Variants in RAB5IF observed in about 807,000 individuals in gnomAD.
The protein encoded by RAB5IF is RAB5 interacting factor.
RAB5IF carries 15 observed loss-of-function variants against 20.3 expected under a neutral mutation model. That is an observed-to-expected ratio of 0.74 (90% CI 0.50 to 1.14). The LOEUF is 1.14. Among genes scored for constraint, RAB5IF ranks in the 50% most tolerant of loss-of-function variants. RAB5IF has a pLI of 0.00. For synonymous variants in RAB5IF, 67 were observed against 63.7 expected, an observed-to-expected ratio of 1.05 and a Z score of -0.25; for missense variants, 148 against 159.5, an observed-to-expected ratio of 0.93 and a Z score of 0.39.
chr20:36,609,185 A>ACACACACACACC (rs2039021825), intron 2 of RAB5IF, among the ~76,000 whole-genome samples: 1 of 47,954 alleles, frequency 2.1e-5, no homozygotes, highest in Non-Finnish European at 4.1e-5. Context: ...ACACACACAC[A>ACACACACACACC]CACACACACG....
At chr20:36,609,783 A>C in intron 3 of RAB5IF, 53 bp downstream of exon 3, 1 of 1,613,888 alleles carries the variant, frequency 6.2e-7, no homozygotes, top group Non-Finnish European at 8.5e-7. Context: ...ATGAGGTGTC[A>C]CTCACAGGAG....
At chr20:36,611,773 C>T (rs2039127834) in intron 3 of RAB5IF, among the ~76,000 whole-genome samples, 3 of 151,972 alleles carry the variant, frequency 2.0e-5, no homozygotes, top group African/African-American at 4.8e-5. Flanking sequence ...CCTGGGGTTG[C>T]CATTTGGTAG....
intron 1 of RAB5IF, among the ~76,000 whole-genome samples, chr20:36,606,413 C>G (rs550661855): frequency 1.3e-5 from 2 of 152,348 alleles, no homozygotes; most frequent in African/African-American, 4.8e-5. Flanking sequence ...GAGTAGGTTA[C>G]TTGTTTCTTT....
intron 3 of RAB5IF, among the ~76,000 whole-genome samples, chr20:36,610,497 C>A (rs954100492): frequency 1.3e-5 from 2 of 151,912 alleles, no homozygotes; most frequent in Non-Finnish European, 2.9e-5. Flanking sequence ...GTCAGGAGAT[C>A]AAGACCATCT....
chr20:36,605,863 C>G lies in RAB5IF; in HGVS notation c.-89C>G. ...GACCGGGCCGCTGAGCCTGCAGCCG[C>G]CCCGCGCCGTGACCTGCGACCCTAG... On this transcript the variant is annotated 5_prime_UTR_variant, in exon 1 of 4. Coordinates refer to ENST00000344795, the MANE Select transcript of RAB5IF (RefSeq NM_018840.5). The G allele has an allele frequency of 1.5e-6, 1 of 680,922 alleles. No homozygotes were observed. Among genetic ancestry groups the G allele is most frequent in the Non-Finnish European group, 2.2e-6 (1 of 458,200 alleles). 42.2% of individuals were successfully genotyped at this position (680,922 alleles called of 1,614,324 possible). A position where few individuals can be genotyped will look rare whatever the true frequency, so the allele number is the denominator to read the frequency against.
chr20:36,609,693 CGAAG>C lies in RAB5IF; in HGVS notation c.317_320del (p.Glu106GlyfsTer3), dbSNP rs1436840418. Reference sequence around the variant, plus strand: ...GAATATGGTGGCACGTGGGAGCTCACGAAGGAAGGGTTTATGACCTCTTTTGCCT... The same window carrying C: ...GAATATGGTGGCACGTGGGAGCTCACGAAGGGTTTATGACCTCTTTTGCCT... On this transcript the variant is annotated frameshift_variant, in exon 3 of 4. Transcript: ENST00000344795. LOFTEE classifies it high-confidence loss of function. The C allele has an allele frequency of 7.4e-6, 12 of 1,614,022 alleles. No homozygotes were observed. The highest frequency in any genetic ancestry group is 1.0e-5 in the Non-Finnish European group (12 of 1,180,040).
chr20:36,607,847 G>A, intron 2 of RAB5IF, 29 bp downstream of exon 2: 2 of 1,611,956 alleles, frequency 1.2e-6, no homozygotes, highest in Non-Finnish European at 1.7e-6. Flanking sequence ...ATATTTTCAT[G>A]GTATCATTTC....
intron 1 of RAB5IF, among the ~76,000 whole-genome samples, chr20:36,606,582 A>G (rs1018119931): frequency 1.3e-5 from 2 of 152,156 alleles, no homozygotes; most frequent in Non-Finnish European, 1.5e-5. Context: ...AGGCTCGCTA[A>G]TCTTGAGCTG....
At chr20:36,609,326 C>T (rs1244719032) in intron 2 of RAB5IF, among the ~76,000 whole-genome samples, 9 of 151,178 alleles carry the variant, frequency 6.0e-5, no homozygotes, top group East Asian at 1.9e-4. Context: ...GCAACCTCTC[C>T]GCCTCTGGGT....
intron 2 of RAB5IF, chr20:36,608,202 T>C: frequency 3.0e-6 from 1 of 328,706 alleles, no homozygotes. Context: ...GGCACAGTGC[T>C]TAATGTCCTA....
Position 36,608,632 on chromosome 20 carries a change from C to G in RAB5IF, c.218+814C>G, listed in dbSNP as rs1051923298. On this transcript the variant is annotated intron_variant, in intron 2 of 3. Coordinates refer to ENST00000344795, the MANE Select transcript of RAB5IF (RefSeq NM_018840.5). ...AGGCAGGCGTGTACTGGCGTGATCT[C>G]GGCTCACTGCAACCTCTACCTCTCA... is the stretch of plus-strand genomic sequence containing the variant. Among the ~76,000 whole-genome samples, 3 of 147,834 alleles carry G rather than the reference C, an allele frequency of 2.0e-5. No homozygotes were observed. In the South Asian group the frequency reaches 6.4e-4, roughly 31 times the overall value.
Position 36,609,731 on chromosome 20 carries a change from G to T in RAB5IF, c.348+1G>T. ...TATGACCTCTTTTGCCTTGTTCATG[G>T]TATGTGTAGCTGATAGTTTTACAAC... On this transcript the variant is annotated splice_donor_variant, in intron 3 of 3. Coordinates refer to ENST00000344795, the MANE Select transcript of RAB5IF (RefSeq NM_018840.5). LOFTEE classifies it high-confidence loss of function. 2.5e-6 allele frequency: 4 copies of T among 1,614,178 alleles called. No individual in the cohort carries two copies. The highest frequency in any genetic ancestry group is 3.4e-6 in the Non-Finnish European group (4 of 1,180,022).
At chr20:36,608,018 C>T in intron 2 of RAB5IF, 200 bp downstream of exon 2, 2 of 1,427,332 alleles carry the variant, frequency 1.4e-6, no homozygotes, top group South Asian at 1.2e-5. Context: ...AGGTTACCTT[C>T]CTGCCTTCCT....
rs576399360 is a variant in RAB5IF at position 36,609,031 on chromosome 20, C to G, written c.219-570C>G. 3.3e-5 allele frequency among the ~76,000 whole-genome samples: 5 copies of G among 151,928 alleles called. No individual in the cohort carries two copies. In the East Asian group the frequency reaches 9.7e-4, roughly 29 times the overall value. Reference sequence around the variant, plus strand: ...CTTGCTCAACTAGGCTACGAAGCAGCAGCTTCACATGTTTTTCTCCCATAG... The same window carrying G: ...CTTGCTCAACTAGGCTACGAAGCAGGAGCTTCACATGTTTTTCTCCCATAG... On this transcript the variant is annotated intron_variant, in intron 2 of 3. Transcript: ENST00000344795.
At chr20:36,611,301 T>A (rs539527039) in intron 3 of RAB5IF, among the ~76,000 whole-genome samples, 30 of 152,046 alleles carry the variant, frequency 2.0e-4, no homozygotes, top group Non-Finnish European at 3.4e-4. Flanking sequence ...CATTTTTTTT[T>A]AAATTATACT....
At position 36,612,383 on chromosome 20, in the gene RAB5IF, T is replaced by G. The variant is rs1488952605; in HGVS notation, c.*332T>G. On this transcript the variant is annotated 3_prime_UTR_variant, in exon 4 of 4. Coordinates refer to ENST00000344795, the MANE Select transcript of RAB5IF (RefSeq NM_018840.5). ...GATTCAGATGAAACATTAAATTGTC[T>G]TCCTCGATTCTCCATCGGGTGTAGA... The G allele has an allele frequency of 4.4e-6, 3 of 686,270 alleles. No individual in the cohort carries two copies. The highest frequency in any genetic ancestry group is 5.0e-6 in the Non-Finnish European group (2 of 398,292). 42.5% of individuals were successfully genotyped at this position (686,270 alleles called of 1,614,324 possible). A position where few individuals can be genotyped will look rare whatever the true frequency, so the allele number is the denominator to read the frequency against.
intron 3 of RAB5IF, among the ~76,000 whole-genome samples, chr20:36,611,182 G>C (rs1024054020): frequency 6.6e-6 from 1 of 152,036 alleles, no homozygotes; most frequent in African/African-American, 2.4e-5. Flanking sequence ...TAGAAATGGG[G>C]TTTCATCATG....
At chr20:36,606,343 G>A (rs527528221) in intron 1 of RAB5IF, among the ~76,000 whole-genome samples, 5 of 152,358 alleles carry the variant, frequency 3.3e-5, no homozygotes, top group Admixed American at 1.3e-4. Flanking sequence ...GTTTGTGCCT[G>A]AACTGGGAAA....
chr20:36,609,772 C>T (rs564327421), intron 3 of RAB5IF, 42 bp downstream of exon 3: 1 of 1,614,044 alleles, frequency 6.2e-7, no homozygotes, highest in Admixed American at 1.7e-5. Context: ...CTGTTCATTT[C>T]ATGAGGTGTC....
Sources: gnomAD v4.1 joint callset for allele counts (sites outside exome capture counted in the v4.1 genomes callset) on GRCh38, gnomAD v4.1.1 for gene constraint, MANE v1.5 for transcripts, NCBI Gene and HGNC (gene_info 2026-07-23, HGNC 2026-07-21) for gene names.